Variants in NRXN3 observed in about 807,000 individuals in gnomAD.
The protein encoded by NRXN3 is neurexin 3.
A neutral mutation model predicts 137.6 loss-of-function variants in NRXN3; 32 were observed. The observed-to-expected ratio is 0.23, with a 90% CI of 0.18 to 0.31. The LOEUF is 0.31. Ranked by LOEUF, NRXN3 falls within the 10% of genes least tolerant of loss-of-function variation. NRXN3 has a pLI of 1.00. For synonymous variants in NRXN3, 798 were observed against 784.5 expected, an observed-to-expected ratio of 1.02 and a Z score of -0.29; for missense variants, 1,574 against 2,062.5, an observed-to-expected ratio of 0.76 and a Z score of 4.59.
Position 79,325,287 on chromosome 14 carries a change from G to A in NRXN3, c.3263-141934G>A, listed in dbSNP as rs182248596. 4.3e-4 allele frequency among the ~76,000 whole-genome samples: 65 copies of A among 152,220 alleles called. 1 individual carries two copies. Among genetic ancestry groups the A allele is most frequent in the African/African-American group, 1.5e-3 (61 of 41,534 alleles). ...ATGAGAAGTGTTTACTTAGCATCTA[G>A]GCCAGCAAGCTAAGAAAAACATTGT... On this transcript the variant is annotated intron_variant, in intron 15 of 20. Transcript: ENST00000335750.
chr14:78,804,317 A>G (rs1468791990), intron 9 of NRXN3, among the ~76,000 whole-genome samples: 6 of 152,178 alleles, frequency 3.9e-5, no homozygotes, highest in Admixed American at 3.9e-4. Context: ...CAAATGGAGA[A>G]TTCTGGTGGC....
intron 4 of NRXN3, among the ~76,000 whole-genome samples, chr14:78,336,690 A>G (rs1477647527): frequency 6.6e-6 from 1 of 152,148 alleles, no homozygotes. Flanking sequence ...GATGATTGTT[A>G]GTAACAGAGG....
chr14:78,317,779 A>G (rs911409063), intron 4 of NRXN3, among the ~76,000 whole-genome samples: 1 of 152,144 alleles, frequency 6.6e-6, no homozygotes, highest in Non-Finnish European at 1.5e-5. Context: ...TCACAAGTCT[A>G]CCCCTTTTCA....
intron 4 of NRXN3, among the ~76,000 whole-genome samples, chr14:78,413,946 T>A (rs986202966): frequency 6.6e-6 from 1 of 152,116 alleles, no homozygotes; most frequent in Admixed American, 6.5e-5. Context: ...GCCATGCTGT[T>A]TTTGTGACAG....
chr14:78,682,270 G>A (rs1421419510), intron 6 of NRXN3, among the ~76,000 whole-genome samples: 1 of 151,930 alleles, frequency 6.6e-6, no homozygotes, highest in Non-Finnish European at 1.5e-5. Context: ...TGTTCCTATT[G>A]TCTGTCCATT....
At chr14:78,239,043 T>C (rs2066727469) in intron 1 of NRXN3, among the ~76,000 whole-genome samples, 3 of 152,254 alleles carry the variant, frequency 2.0e-5, no homozygotes, top group Admixed American at 2.0e-4. Flanking sequence ...TCAGGATTGA[T>C]GTCCTTGTGT....
At chr14:79,016,500 G>T (rs2099579438) in intron 15 of NRXN3, among the ~76,000 whole-genome samples, 1 of 152,208 alleles carries the variant, frequency 6.6e-6, no homozygotes, top group South Asian at 2.1e-4. Context: ...TACTCAAAGT[G>T]TGCTAGATGC....
chr14:78,442,819 A>G (rs564414173), intron 4 of NRXN3, among the ~76,000 whole-genome samples: 2 of 152,362 alleles, frequency 1.3e-5, no homozygotes, highest in Non-Finnish European at 2.9e-5. Flanking sequence ...GTCATGTGAG[A>G]ACATCAATAC....
At chr14:78,603,700 C>T (rs1026820413) in intron 4 of NRXN3, among the ~76,000 whole-genome samples, 1 of 152,020 alleles carries the variant, frequency 6.6e-6, no homozygotes, top group Non-Finnish European at 1.5e-5. Flanking sequence ...AATAAATAAC[C>T]ACCAACATCA....
rs971563892 is a variant in NRXN3, at chr14:78,351,791, T to C, written c.757+53931T>C. On this transcript the variant is annotated intron_variant, in intron 4 of 20. Transcript: ENST00000335750. Reference sequence around the variant, plus strand: ...ACTTTTTGGTATTTTTCTTTTTTTTTTTTTTTTGCCAAAAAGAGGTTTTAA... The same window carrying C: ...ACTTTTTGGTATTTTTCTTTTTTTTCTTTTTTTGCCAAAAAGAGGTTTTAA... Among the ~76,000 whole-genome samples, 16 of 151,318 alleles carry C rather than the reference T, an allele frequency of 1.1e-4. No homozygotes were observed. In the East Asian group the frequency reaches 2.9e-3, roughly 27 times the overall value.
chr14:78,660,526 A>G (rs1566997814), intron 6 of NRXN3, among the ~76,000 whole-genome samples: 2 of 152,062 alleles, frequency 1.3e-5, no homozygotes, highest in Admixed American at 1.3e-4. Flanking sequence ...TTTTGTCTAT[A>G]TGTTGTAGGG....
At position 78,651,292 on chromosome 14, in the gene NRXN3, C is replaced by G; in HGVS notation, c.1187C>G (p.Pro396Arg). ...AGTACCGCTGACTTGCCTGGCTCCC[C>G]TGTCAGCAACAACTTCATGGGCTGC... ...SPSTADLPGS[P>R]VSNNFMGCLK... The change falls in exon 6 of 21, where the codon CCT becomes CGT. Residue 396 changes from proline to arginine, a missense_variant. This residue lies in a region of NRXN3 where 400 missense variants were observed against 527.3 expected (regional missense o/e 0.76). Transcript: ENST00000335750. The G allele has an allele frequency of 6.2e-7, 1 of 1,614,080 alleles. No homozygotes were observed. Among genetic ancestry groups the G allele is most frequent in the Non-Finnish European group, 8.5e-7 (1 of 1,179,950 alleles).
chr14:79,715,313 A>G (rs2098819968), intron 19 of NRXN3, among the ~76,000 whole-genome samples: 1 of 152,144 alleles, frequency 6.6e-6, no homozygotes, highest in African/African-American at 2.4e-5. Context: ...TGATTTGACA[A>G]TTGAACAAGG....
chr14:79,443,199 G>A (rs1174392234), intron 15 of NRXN3, among the ~76,000 whole-genome samples: 1 of 152,178 alleles, frequency 6.6e-6, no homozygotes, highest in Non-Finnish European at 1.5e-5. Context: ...CTTCCTCCTT[G>A]CACAGTTGAG....
intron 8 of NRXN3, among the ~76,000 whole-genome samples, chr14:78,797,903 A>C (rs2153068740): frequency 6.6e-6 from 1 of 152,266 alleles, no homozygotes; most frequent in Non-Finnish European, 1.5e-5. Context: ...ATTCACTATG[A>C]TGAGTAGAGT....
intron 10 of NRXN3, among the ~76,000 whole-genome samples, chr14:78,841,309 G>T (rs952537742): frequency 2.0e-5 from 3 of 151,944 alleles, no homozygotes; most frequent in East Asian, 3.9e-4. Context: ...TATTATTATT[G>T]TAAACCGTCT....
intron 10 of NRXN3, among the ~76,000 whole-genome samples, chr14:78,911,625 A>C (rs932270273): frequency 6.6e-6 from 1 of 152,184 alleles, no homozygotes; most frequent in African/African-American, 2.4e-5. Flanking sequence ...TTCAGCAGAA[A>C]TATGTTTTAC....
chr14:79,047,856 T>C (rs1374006406), intron 15 of NRXN3, among the ~76,000 whole-genome samples: 1 of 152,172 alleles, frequency 6.6e-6, no homozygotes, highest in Non-Finnish European at 1.5e-5. Flanking sequence ...TAAAACCACT[T>C]TGGAAAAATT....
intron 10 of NRXN3, among the ~76,000 whole-genome samples, chr14:78,860,162 T>C (rs1194560493): frequency 1.3e-5 from 2 of 152,206 alleles, no homozygotes; most frequent in Admixed American, 1.3e-4. Flanking sequence ...ACAGAGTATT[T>C]AATGTGTAAA....
Sources: gnomAD v4.1 joint callset for allele counts (sites outside exome capture counted in the v4.1 genomes callset) on GRCh38, gnomAD v4.1.1 for gene constraint, gnomAD v4.1.1 regional missense constraint, MANE v1.5 for transcripts, NCBI Gene and HGNC (gene_info 2026-07-23, HGNC 2026-07-21) for gene names.